Variants in WDHD1 observed in about 807,000 individuals in gnomAD.
The protein encoded by WDHD1 is WD repeat and HMG-box DNA-binding protein 1.
In WDHD1, 111 loss-of-function variants were observed where a neutral mutation model predicts 135.4. That is an observed-to-expected ratio of 0.82 (90% CI 0.70 to 0.96). The LOEUF (loss-of-function observed/expected upper bound fraction) is 0.96, where lower values mean the gene tolerates loss of function less well. Among genes scored for constraint, WDHD1 ranks in the 40% least tolerant of loss-of-function variants. The pLI, the probability that WDHD1 is intolerant of heterozygous loss-of-function variation, is 0.00. For synonymous variants in WDHD1, 434 were observed against 439.0 expected, an observed-to-expected ratio of 0.99 and a Z score of 0.14; for missense variants, 1,351 against 1,336.3, an observed-to-expected ratio of 1.01 and a Z score of -0.17.
intron 25 of WDHD1, among the ~76,000 whole-genome samples, chr14:54,941,909 T>C (rs1475949579): frequency 6.6e-6 from 1 of 152,190 alleles, no homozygotes; most frequent in Non-Finnish European, 1.5e-5. Context: ...GCTTTGCTTA[T>C]ATTAATCATA....
At chr14:54,943,620 A>C (rs1290164339) in intron 25 of WDHD1, among the ~76,000 whole-genome samples, 1 of 151,994 alleles carries the variant, frequency 6.6e-6, no homozygotes, top group Non-Finnish European at 1.5e-5. Flanking sequence ...CTGGTCTCAA[A>C]CTCCTGGGCT....
intron 21 of WDHD1, among the ~76,000 whole-genome samples, chr14:54,958,785 C>A (rs918595157): frequency 6.6e-6 from 1 of 152,118 alleles, no homozygotes; most frequent in African/African-American, 2.4e-5. Context: ...GTTGGAGATT[C>A]CCTAGGCTTA....
In WDHD1 at chr14:54,981,709, A is replaced by G. The variant is rs370211594; in HGVS notation, c.1907-13T>C. 3.2e-5 allele frequency: 50 copies of G among 1,582,220 alleles called. No homozygotes were observed. In the Admixed American group the frequency reaches 3.7e-4, roughly 12 times the overall value. ...TAACAAGGGGTACCTAAACACCAACAGAAAAATCACTTGGAGACATAGCTA... is the reference window on the plus strand; with the variant it reads ...TAACAAGGGGTACCTAAACACCAACGGAAAAATCACTTGGAGACATAGCTA... On this transcript the variant is annotated splice_polypyrimidine_tract_variant and intron_variant, in intron 15 of 25. Coordinates refer to ENST00000360586, the MANE Select transcript of WDHD1 (RefSeq NM_007086.4).
At chr14:54,986,198 A>G (rs2041691914) in intron 14 of WDHD1, among the ~76,000 whole-genome samples, 1 of 152,226 alleles carries the variant, frequency 6.6e-6, no homozygotes, top group South Asian at 2.1e-4. Flanking sequence ...TTAATTTGCA[A>G]CTAGCATTTT....
chr14:54,979,279 G>A (rs574660323), intron 16 of WDHD1, among the ~76,000 whole-genome samples: 8 of 150,200 alleles, frequency 5.3e-5, no homozygotes, highest in Admixed American at 2.6e-4. Flanking sequence ...AGCCTCTCAA[G>A]TAGCAGAGAC....
chr14:54,980,350 GT>G (rs568879384), intron 16 of WDHD1, among the ~76,000 whole-genome samples: 1 of 151,666 alleles, frequency 6.6e-6, no homozygotes, highest in Non-Finnish European at 1.5e-5. Flanking sequence ...TAATTCAGTG[GT>G]TTTTTTGTAT....
At chr14:55,015,839 C>T (rs1351341917) in intron 2 of WDHD1, among the ~76,000 whole-genome samples, 1 of 152,308 alleles carries the variant, frequency 6.6e-6, no homozygotes, top group Non-Finnish European at 1.5e-5. Context: ...GCTGGGACTG[C>T]AGGCGTGCGC....
intron 13 of WDHD1, 38 bp from the exon 14 acceptor site, chr14:54,987,425 A>G (rs2041711572): frequency 6.4e-7 from 1 of 1,561,742 alleles, no homozygotes; most frequent in Non-Finnish European, 8.7e-7. Flanking sequence ...TCAAACTTTC[A>G]TATGATATTT....
intron 8 of WDHD1, among the ~76,000 whole-genome samples, chr14:55,001,860 A>C (rs1470135749): frequency 6.6e-6 from 1 of 152,240 alleles, no homozygotes; most frequent in African/African-American, 2.4e-5. Context: ...TCATTTTAGA[A>C]CAACTTGTTC....
At position 54,995,791 on chromosome 14, in the gene WDHD1, T is replaced by A; in HGVS notation, c.965A>T (p.Asp322Val). 6.2e-7 allele frequency: 1 copy of A among 1,605,872 alleles called. No homozygotes were observed. The highest frequency in any genetic ancestry group is 2.2e-5 in the East Asian group (1 of 44,780). The part of the protein sequence containing the change: ...SSKVSSRVEK[D>V]YNDLFDGDDM... ...ATCTCCATCAAAAAGATCATTATAA[T>A]CCTTTTCCACTCTGCTAGATACCTT... Residue 322 changes from aspartate to valine, a missense_variant, in exon 11 of 26, where the codon GAT (aspartate) becomes GTT (valine). This residue lies in a region of WDHD1 where 1,330 missense variants were observed against 1,296.1 expected (regional missense o/e 1.03). Transcript: ENST00000360586.
rs1170997114 is a variant in WDHD1 at position 55,005,472 on chromosome 14, T to C, written c.600+1808A>G. 5.3e-6 allele frequency: 3 copies of C among 565,622 alleles called. No homozygotes were observed. In the African/African-American group the frequency reaches 5.6e-5, roughly 11 times the overall value. The allele number at this position is 565,622 out of a possible 1,614,324, so 35.0% of individuals were successfully genotyped here. ...TTCCTGGATGATATGACACTGACAT[T>C]GAAAGAGTTTTCAACAGCAACAATG... On this transcript the variant is annotated intron_variant, in intron 7 of 25. Transcript: ENST00000360586.
chr14:55,024,357 T>A (rs956761364), intron 2 of WDHD1, among the ~76,000 whole-genome samples: 1 of 152,254 alleles, frequency 6.6e-6, no homozygotes, highest in African/African-American at 2.4e-5. Flanking sequence ...TTCCTGTTAT[T>A]TGCAAGTGGA....
rs753904750 is a variant in WDHD1 at position 54,966,579 on chromosome 14, G to A, written c.2206C>T (p.His736Tyr). The A allele has an allele frequency of 3.7e-6, 6 of 1,607,178 alleles. No individual in the cohort carries two copies. The highest frequency in any genetic ancestry group is 2.2e-5 in the South Asian group (2 of 89,394). Residue 736 changes from histidine (H) to tyrosine (Y), a missense_variant, in exon 18 of 26, where the codon CAC (histidine) becomes TAC (tyrosine). His to Tyr is a moderately conservative substitution (Grantham distance 83, BLOSUM62 2). Transcript: ENST00000360586. ...EEQFWRSVIF[H>Y]NHLDYLAKNG... ...TTAGCTAAATAATCAAGGTGGTTGT[G>A]AAATATAACTGAACGCCAAAATTGC... is the stretch of plus-strand genomic sequence containing the variant.
chr14:54,949,600 T>G (rs1194417249), intron 24 of WDHD1, among the ~76,000 whole-genome samples: 1 of 152,194 alleles, frequency 6.6e-6, no homozygotes, highest in East Asian at 1.9e-4. Context: ...CCAGGAGAAC[T>G]TCCCCAACCT....
At chr14:54,986,419 C>T (rs540542109) in intron 14 of WDHD1, among the ~76,000 whole-genome samples, 6 of 152,252 alleles carry the variant, frequency 3.9e-5, no homozygotes, top group East Asian at 3.9e-4. Flanking sequence ...TCTCCCGCCT[C>T]GGCCTCCCAA....
intron 15 of WDHD1, among the ~76,000 whole-genome samples, chr14:54,983,816 G>A (rs1225929329): frequency 3.3e-5 from 5 of 150,496 alleles, no homozygotes; most frequent in African/African-American, 1.2e-4. Context: ...ACCATGCCCA[G>A]CCAAAAAAAA....
At position 55,000,892 on chromosome 14, in the gene WDHD1, A is replaced by G; in HGVS notation, c.794T>C (p.Met265Thr). Residue 265 changes from methionine (M) to threonine (T), a missense_variant, in exon 9 of 26, where the codon ATG becomes ACG. Met to Thr is a moderately conservative substitution (Grantham distance 81). Transcript: ENST00000360586. ...AAGATACACTAAATCATACCTTTCC[A>G]TGCAGTCTTTGGTTTCCACATTCCA... Reference protein sequence around the residue: ...IVWNVETKDCMERVKHEKGYA... With the variant: ...IVWNVETKDCTERVKHEKGYA... 1 of 1,564,718 alleles carries G rather than the reference A, an allele frequency of 6.4e-7. No individual in the cohort carries two copies. The highest frequency in any genetic ancestry group is 1.3e-5 in the South Asian group (1 of 79,622).
At chr14:54,970,706 A>G (rs868861711) in intron 16 of WDHD1, among the ~76,000 whole-genome samples, 1 of 152,100 alleles carries the variant, frequency 6.6e-6, no homozygotes, top group Admixed American at 6.5e-5. Context: ...TTCCTATCAA[A>G]TTACCAATGT....
chr14:54,955,356 C>G (rs2041135233), intron 24 of WDHD1, among the ~76,000 whole-genome samples: 1 of 152,006 alleles, frequency 6.6e-6, no homozygotes. Flanking sequence ...TAAAAATATA[C>G]AATTTATTAA....
Sources: gnomAD v4.1 joint callset for allele counts (sites outside exome capture counted in the v4.1 genomes callset) on GRCh38, gnomAD v4.1.1 for gene constraint, gnomAD v4.1.1 regional missense constraint, MANE v1.5 for transcripts, NCBI Gene and HGNC (gene_info 2026-07-23, HGNC 2026-07-21) for gene names.